The following GPHN variants were observed in gnomAD, a reference collection of about 807,000 sequenced individuals.
GPHN encodes the protein gephyrin.
In GPHN, 17 loss-of-function variants were observed where a neutral mutation model predicts 95.5. That is an observed-to-expected ratio of 0.18 (90% CI 0.12 to 0.27). The LOEUF (loss-of-function observed/expected upper bound fraction) is 0.27. Among genes scored for constraint, GPHN ranks in the 10% least tolerant of loss-of-function variants. GPHN has a pLI of 1.00. For missense variants in GPHN, 660 were observed against 978.1 expected (o/e 0.67, Z 4.34); for synonymous variants, 320 against 322.5 (o/e 0.99, Z 0.08).
At chr14:67,642,133 A>G in the GPHN span, 2 of 1,557,574 alleles carry the variant, frequency 1.3e-6, no homozygotes, top group Non-Finnish European at 8.8e-7. Context: ...AGGCTAGTTA[A>G]GAGTTGGAGA....
chr14:66,827,293 A>C (rs1235291514), intron 4 of GPHN, among the ~76,000 whole-genome samples: 1 of 151,922 alleles, frequency 6.6e-6, no homozygotes, highest in Non-Finnish European at 1.5e-5. Flanking sequence ...CAAAAAAAAA[A>C]AGGCGGGGTG....
chr14:67,077,333 C>A (rs1595048782), intron 11 of GPHN, among the ~76,000 whole-genome samples: 2 of 152,126 alleles, frequency 1.3e-5, no homozygotes, highest in South Asian at 2.1e-4. Flanking sequence ...GTAAGCATCC[C>A]GAGCACATGT....
chr14:67,004,286 ATC>A (rs1171326411), intron 9 of GPHN, among the ~76,000 whole-genome samples: 2 of 151,784 alleles, frequency 1.3e-5, no homozygotes, highest in Non-Finnish European at 3.0e-5. Flanking sequence ...CTTGAAATTG[ATC>A]TTGTTTTGTT....
the GPHN span, among the ~76,000 whole-genome samples, chr14:67,731,471 T>C: frequency 3.3e-5 from 5 of 152,014 alleles, no homozygotes; most frequent in African/African-American, 1.2e-4. Flanking sequence ...CACCTCAGCC[T>C]CCCAAAGTGC....
the GPHN span, among the ~76,000 whole-genome samples, chr14:67,590,434 C>A: frequency 2.6e-5 from 4 of 152,050 alleles, no homozygotes; most frequent in Non-Finnish European, 5.9e-5. Context: ...TCTCGGCTCA[C>A]TGAAACCTCT....
chr14:66,777,430 C>T (rs984178937), intron 3 of GPHN, among the ~76,000 whole-genome samples: 11 of 152,102 alleles, frequency 7.2e-5, no homozygotes, highest in African/African-American at 2.4e-4. Context: ...CTGAAACTAT[C>T]CCAATCAATA....
the GPHN span, among the ~76,000 whole-genome samples, chr14:67,572,834 G>T: frequency 6.6e-6 from 1 of 152,146 alleles, no homozygotes; most frequent in Non-Finnish European, 1.5e-5. Context: ...CTCCAGTCCT[G>T]CCTGGCTGAT....
chr14:67,586,887 G>A, the GPHN span: 1 of 1,526,410 alleles, frequency 6.6e-7, no homozygotes, highest in East Asian at 2.5e-5. Context: ...AGACCAACAG[G>A]AGCCCACACC....
the GPHN span, among the ~76,000 whole-genome samples, chr14:67,629,150 T>A: frequency 6.6e-6 from 1 of 152,110 alleles, no homozygotes; most frequent in East Asian, 1.9e-4. Flanking sequence ...CCTGGGCAAC[T>A]TAGCGAGTCC....
At chr14:67,685,055 A>G in the GPHN span, 2 of 1,613,480 alleles carry the variant, frequency 1.2e-6, no homozygotes, top group African/African-American at 1.3e-5. Context: ...CCTTCTGTTA[A>G]GGCACAGTGC....
chr14:66,844,145 T>C (rs2062216582), intron 4 of GPHN, among the ~76,000 whole-genome samples: 1 of 152,164 alleles, frequency 6.6e-6, no homozygotes, highest in Admixed American at 6.5e-5. Flanking sequence ...CCTTTGAGAA[T>C]ATCATTTCTC....
chr14:66,642,553 A>ATTT (rs1196864769), intron 1 of GPHN, among the ~76,000 whole-genome samples: 13 of 125,854 alleles, frequency 1.0e-4, no homozygotes, highest in East Asian at 5.2e-4. Context: ...AGACATTTTG[A>ATTT]TTTTTGTTTT....
chr14:67,590,707 A>G, the GPHN span, among the ~76,000 whole-genome samples: 1 of 152,196 alleles, frequency 6.6e-6, no homozygotes, highest in Non-Finnish European at 1.5e-5. Context: ...TAAATGACAC[A>G]GCAGTGAGCT....
intron 1 of GPHN, among the ~76,000 whole-genome samples, chr14:66,671,679 C>T (rs2066313361): frequency 1.3e-5 from 2 of 151,950 alleles, no homozygotes; most frequent in Non-Finnish European, 2.9e-5. Flanking sequence ...CAAACTGTTT[C>T]TTCTTTTGTG....
At chr14:66,862,240 AG>A (rs1181362394) in intron 4 of GPHN, among the ~76,000 whole-genome samples, 1 of 152,116 alleles carries the variant, frequency 6.6e-6, no homozygotes, top group African/African-American at 2.4e-5. Flanking sequence ...AAAACCCAGA[AG>A]AAATGGACAA....
chr14:66,873,084 A>G (rs893570026), intron 4 of GPHN, among the ~76,000 whole-genome samples: 3 of 152,182 alleles, frequency 2.0e-5, no homozygotes, highest in African/African-American at 7.2e-5. Context: ...TACACGGCTC[A>G]TATCGTTGGG....
At chr14:66,574,927 G>C (rs1254758829) in intron 1 of GPHN, among the ~76,000 whole-genome samples, 1 of 152,198 alleles carries the variant, frequency 6.6e-6, no homozygotes, top group African/African-American at 2.4e-5. Context: ...GGACTTAGGA[G>C]TCAGCCATGT....
At chr14:67,320,199 GT>G in the GPHN span, 2 of 1,593,244 alleles carry the variant, frequency 1.3e-6, no homozygotes, top group South Asian at 2.3e-5. Context: ...CCATAATTTT[GT>G]TTGAAGAGCT....
At chr14:66,585,667 A>C (rs1477221623) in intron 1 of GPHN, among the ~76,000 whole-genome samples, 1 of 152,112 alleles carries the variant, frequency 6.6e-6, no homozygotes, top group Non-Finnish European at 1.5e-5. Flanking sequence ...ATTCAGGAGC[A>C]GGTTGTTCAG....
Sources: gnomAD v4.1 joint callset for allele counts (sites outside exome capture counted in the v4.1 genomes callset) on GRCh38, gnomAD v4.1.1 for gene constraint, MANE v1.5 for transcripts, NCBI Gene and HGNC (gene_info 2026-07-23, HGNC 2026-07-21) for gene names.